GPATCH8: variants seen among roughly 807,000 people sequenced by gnomAD.
The protein encoded by GPATCH8 is G-patch domain containing 8.
A neutral mutation model predicts 118.3 loss-of-function variants in GPATCH8; 18 were observed. That is an observed-to-expected ratio of 0.15 (90% CI 0.11 to 0.23). The LOEUF is 0.23. GPATCH8 is among the 10% of genes least tolerant of loss of function. The pLI is 1.00. For missense variants in GPATCH8, 1,631 were observed against 1,873.8 expected, an observed-to-expected ratio of 0.87 and a Z score of 2.39; for synonymous variants, 659 against 684.7, an observed-to-expected ratio of 0.96 and a Z score of 0.59.
In GPATCH8 at chr17:44,398,347, G is replaced by A. The variant is rs1231166904; in HGVS notation, c.3730C>T (p.Leu1244Phe). 3.1e-6 allele frequency: 5 copies of A among 1,613,996 alleles called. No individual in the cohort carries two copies. Among genetic ancestry groups the A allele is most frequent in the African/African-American group, 1.3e-5 (1 of 74,912 alleles). Reference sequence around the variant, plus strand: ...GTGTCCCCATCACTGGGGTCGGGGAGGTAGTTATGGGAGATGGTTGGGTCC... The same window carrying A: ...GTGTCCCCATCACTGGGGTCGGGGAAGTAGTTATGGGAGATGGTTGGGTCC... ...PGDPTISHNY[L>F]PDPSDGDTLE... The change falls in exon 8 of 8, where the codon CTC becomes TTC. Residue 1244 changes from leucine to phenylalanine, a missense_variant. Leu to Phe is a conservative substitution (Grantham distance 22). Around this residue, in one of 8 missense-constraint regions of GPATCH8, gnomAD observed 922 missense variants for 879.7 expected, o/e 1.05. Coordinates refer to ENST00000591680, the MANE Select transcript of GPATCH8 (RefSeq NM_001002909.4).
At chr17:44,480,825 C>T (rs1164215481) in intron 1 of GPATCH8, among the ~76,000 whole-genome samples, 1 of 152,016 alleles carries the variant, frequency 6.6e-6, no homozygotes, top group African/African-American at 2.4e-5. Context: ...AAGCCGAGAT[C>T]ACGCCACTGC....
At chr17:44,462,301 A>G (rs2051584426) in intron 3 of GPATCH8, among the ~76,000 whole-genome samples, 1 of 152,162 alleles carries the variant, frequency 6.6e-6, no homozygotes, top group African/African-American at 2.4e-5. Flanking sequence ...AGAAAAGCAA[A>G]TCTAGTCTTC....
chr17:44,402,003 C>CA, intron 7 of GPATCH8, among the ~76,000 whole-genome samples: 1 of 119,308 alleles, frequency 8.4e-6, no homozygotes, highest in Non-Finnish European at 1.9e-5. Context: ...GACTCCCTCT[C>CA]AAAAAAATTA....
intron 3 of GPATCH8, chr17:44,438,837 C>T (rs939473319): frequency 1.3e-5 from 2 of 152,338 alleles, no homozygotes; most frequent in African/African-American, 4.8e-5. Flanking sequence ...CAATCTCAGC[C>T]GGGGACAGAG....
chr17:44,472,114 T>C (rs1307388436), intron 2 of GPATCH8, among the ~76,000 whole-genome samples: 2 of 152,114 alleles, frequency 1.3e-5, no homozygotes, highest in Non-Finnish European at 2.9e-5. Context: ...AATGCATATA[T>C]TTATCTTTCA....
intron 6 of GPATCH8, chr17:44,407,128 T>C (rs2049262527): frequency 1.3e-5 from 2 of 152,136 alleles, no homozygotes; most frequent in South Asian, 4.1e-4. Flanking sequence ...GAAATGTGTT[T>C]TGAATCTTTT....
chr17:44,447,233 C>T (rs1395892768), intron 3 of GPATCH8, among the ~76,000 whole-genome samples: 2 of 151,928 alleles, frequency 1.3e-5, no homozygotes, highest in Non-Finnish European at 2.9e-5. Flanking sequence ...TGGCTCACTG[C>T]AACCTCTACC....
At chr17:44,491,389 T>C (rs1969230778) in intron 1 of GPATCH8, among the ~76,000 whole-genome samples, 1 of 147,912 alleles carries the variant, frequency 6.8e-6, no homozygotes, top group Admixed American at 7.0e-5. Flanking sequence ...CTTGGGAGGC[T>C]GAAGCAGAGA....
rs1357699826 is a variant in GPATCH8, at chr17:44,399,693, C to A, written c.2384G>T (p.Cys795Phe). The change falls in exon 8 of 8, where the codon TGC (cysteine) becomes TTC (phenylalanine). Residue 795 changes from cysteine (C) to phenylalanine (F), a missense_variant. Coordinates refer to ENST00000591680, the MANE Select transcript of GPATCH8 (RefSeq NM_001002909.4). ...CCGTTTGGTGCCTGCTCTTCGCTGG[C>A]AGGATGAAGGTGGAAGTTCACCTTT... The part of the protein sequence containing the change: ...KHKGELPPSS[C>F]QRRAGTKRSS... 6.2e-7 allele frequency: 1 copy of A among 1,614,140 alleles called. No individual in the cohort carries two copies. The highest frequency in any genetic ancestry group is 8.5e-7 in the Non-Finnish European group (1 of 1,180,008).
intron 6 of GPATCH8, among the ~76,000 whole-genome samples, chr17:44,414,105 GTATATATATATGTATATATATGTGTA>G (rs1567955378): frequency 2.0e-5 from 2 of 100,836 alleles, no homozygotes; most frequent in Non-Finnish European, 2.2e-5. Flanking sequence ...ATATATGTGT[GTATATATATATGTATATATATGTGTA>G]TATATATATA....
intron 6 of GPATCH8, among the ~76,000 whole-genome samples, chr17:44,416,299 C>A (rs541467594): frequency 7.0e-6 from 1 of 143,714 alleles, no homozygotes; most frequent in Non-Finnish European, 1.5e-5. Context: ...GCGTGAGCCA[C>A]CATGCCTGGC....
intron 2 of GPATCH8, 97 bp downstream of exon 2, chr17:44,474,732 T>C (rs1282619941): frequency 1.4e-6 from 1 of 732,920 alleles, no homozygotes; most frequent in South Asian, 1.4e-5. Context: ...ACTGTACTAT[T>C]GGTTATTAAT....
intron 1 of GPATCH8, among the ~76,000 whole-genome samples, chr17:44,481,176 G>C (rs970748643): frequency 1.3e-4 from 20 of 152,180 alleles, no homozygotes; most frequent in African/African-American, 4.3e-4. Context: ...CGAAGTGCTG[G>C]GATTACAGGC....
chr17:44,432,173 T>A (rs895975504), intron 5 of GPATCH8, among the ~76,000 whole-genome samples: 17 of 152,052 alleles, frequency 1.1e-4, no homozygotes, highest in Admixed American at 1.0e-3. Flanking sequence ...TGGAAGGTCT[T>A]TGATAAGACA....
chr17:44,463,717 C>A (rs2051651462), intron 3 of GPATCH8, among the ~76,000 whole-genome samples: 1 of 152,234 alleles, frequency 6.6e-6, no homozygotes, highest in South Asian at 2.1e-4. Context: ...CATATCACAT[C>A]TGCAAAGAAC....
intron 4 of GPATCH8, among the ~76,000 whole-genome samples, chr17:44,435,411 CTT>C (rs566253126): frequency 1.0e-5 from 1 of 99,740 alleles, no homozygotes; most frequent in Non-Finnish European, 1.9e-5. Context: ...TCTTTCTTTC[CTT>C]TTTTTTTTTT....
At chr17:44,489,023 C>T (rs994902518) in intron 1 of GPATCH8, among the ~76,000 whole-genome samples, 3 of 151,680 alleles carry the variant, frequency 2.0e-5, no homozygotes, top group Non-Finnish European at 4.4e-5. Context: ...TGCCCCATTG[C>T]ACTCCAGTCT....
intron 3 of GPATCH8, among the ~76,000 whole-genome samples, chr17:44,450,071 G>A (rs1043994184): frequency 3.9e-5 from 6 of 152,136 alleles, no homozygotes; most frequent in Non-Finnish European, 8.8e-5. Context: ...CCCAAATCTT[G>A]TAAAAATATG....
intron 2 of GPATCH8, among the ~76,000 whole-genome samples, chr17:44,467,904 GA>G (rs1483852106): frequency 6.6e-6 from 1 of 151,998 alleles, no homozygotes. Context: ...CTATCTCTGT[GA>G]AAGAACAAGA....
Sources: gnomAD v4.1 joint callset for allele counts (sites outside exome capture counted in the v4.1 genomes callset) on GRCh38, gnomAD v4.1.1 for gene constraint, gnomAD v4.1.1 regional missense constraint, MANE v1.5 for transcripts, NCBI Gene and HGNC (gene_info 2026-07-23, HGNC 2026-07-21) for gene names.